The following BTBD9 variants were observed in gnomAD, a reference collection of about 807,000 sequenced individuals.
BTBD9 encodes the protein BTB/POZ domain-containing protein 9.
In BTBD9, 49 loss-of-function variants were observed where a neutral mutation model predicts 64.3. The observed-to-expected ratio is 0.76, with a 90% confidence interval of 0.61 to 0.97. The LOEUF is 0.97. Ranked by LOEUF, BTBD9 falls within the 50% of genes least tolerant of loss-of-function variation. The pLI, the probability that BTBD9 is intolerant of heterozygous loss-of-function variation, is 0.00. For synonymous variants in BTBD9, 260 were observed against 274.7 expected, an observed-to-expected ratio of 0.95 and a Z score of 0.53; for missense variants, 598 against 762.1, an observed-to-expected ratio of 0.78 and a Z score of 2.53.
At chr6:38,334,857 C>T (rs1224832608) in intron 7 of BTBD9, among the ~76,000 whole-genome samples, 1 of 150,288 alleles carries the variant, frequency 6.7e-6, no homozygotes, top group East Asian at 1.9e-4. Flanking sequence ...AATCTTTATT[C>T]TTAAAAAAAA....
chr6:38,475,812 AGAG>A (rs1384465443), intron 6 of BTBD9, among the ~76,000 whole-genome samples: 1 of 152,118 alleles, frequency 6.6e-6, no homozygotes, highest in Non-Finnish European at 1.5e-5. Context: ...AGAGAAGTGG[AGAG>A]GAGGTCTAGC....
At chr6:38,242,239 G>A (rs1352646517) in intron 9 of BTBD9, among the ~76,000 whole-genome samples, 1 of 152,214 alleles carries the variant, frequency 6.6e-6, no homozygotes, top group Non-Finnish European at 1.5e-5. Flanking sequence ...ACATGAGCCA[G>A]TAGCAGATGG....
At chr6:38,201,475 T>C (rs1328536376) in intron 9 of BTBD9, among the ~76,000 whole-genome samples, 1 of 152,280 alleles carries the variant, frequency 6.6e-6, no homozygotes, top group Non-Finnish European at 1.5e-5. Flanking sequence ...GACAAACCCA[T>C]AGCTAACATC....
chr6:38,580,435 G>A lies in BTBD9; in HGVS notation c.817C>T (p.Pro273Ser), dbSNP rs1381936926. The A allele has an allele frequency of 6.2e-7, 1 of 1,611,188 alleles. No individual in the cohort carries two copies. The highest frequency in any genetic ancestry group is 1.3e-5 in the African/African-American group (1 of 74,794). Residue 273 changes from proline (P) to serine (S), a missense_variant and splice_region_variant, in exon 5 of 11, where the codon CCA becomes TCA. Pro to Ser is a moderately conservative substitution (Grantham distance 74). Transcript: ENST00000481247. ...MDLNYRGMLI[P>S]EENIATMKYG... ...TTCATAGTTGCAATGTTTTCTTCTG[G>A]TACTACAGTTAAAAATAGAAAAAGC...
At chr6:38,587,517 C>T (rs541605553) in intron 4 of BTBD9, 113 of 562,984 alleles carry the variant, frequency 2.0e-4, no homozygotes, top group South Asian at 1.1e-3. Flanking sequence ...ATGCAGATGA[C>T]GATCTTATAA....
Position 38,172,122 on chromosome 6 carries a change from C to T in BTBD9, c.*2863G>A, listed in dbSNP as rs1177930297. 1 of 152,352 alleles carries T rather than the reference C, an allele frequency of 6.6e-6. No individual in the cohort carries two copies. The highest frequency in any genetic ancestry group is 1.5e-5 in the Non-Finnish European group (1 of 68,208). 9.4% of individuals were successfully genotyped at this position (152,352 alleles called of 1,614,324 possible). A position where few individuals can be genotyped will look rare whatever the true frequency, so the allele number is the denominator to read the frequency against. ...GGCCTGGGCATGGGGGAGCTTATCT[C>T]CCCGACCAGGGGCTTGGCCATGTCT... On this transcript the variant is annotated 3_prime_UTR_variant, in exon 11 of 11. Transcript: ENST00000481247.
chr6:38,533,940 C>G (rs993556926), intron 6 of BTBD9, among the ~76,000 whole-genome samples: 5 of 151,726 alleles, frequency 3.3e-5, no homozygotes, highest in African/African-American at 1.2e-4. Flanking sequence ...AAAAGAAAAA[C>G]TTCAAGTAAA....
At chr6:38,511,487 C>T (rs1036402882) in intron 6 of BTBD9, among the ~76,000 whole-genome samples, 27 of 151,730 alleles carry the variant, frequency 1.8e-4, no homozygotes, top group African/African-American at 5.6e-4. Flanking sequence ...GGATGACAGG[C>T]GCCTGCCACC....
intron 6 of BTBD9, among the ~76,000 whole-genome samples, chr6:38,423,297 A>G (rs1371519346): frequency 6.6e-6 from 1 of 151,872 alleles, no homozygotes; most frequent in African/African-American, 2.4e-5. Context: ...AAACCTTATT[A>G]TTATTATTAT....
At chr6:38,396,897 C>CTTTTTTTTT (rs146597621) in intron 6 of BTBD9, among the ~76,000 whole-genome samples, 6 of 107,376 alleles carry the variant, frequency 5.6e-5, no homozygotes, top group Admixed American at 1.1e-4. Flanking sequence ...TTTTCTTTTT[C>CTTTTTTTTT]TTTTTTTTTT....
At chr6:38,423,062 C>T (rs1371566391) in intron 6 of BTBD9, among the ~76,000 whole-genome samples, 1 of 152,006 alleles carries the variant, frequency 6.6e-6, no homozygotes, top group African/African-American at 2.4e-5. Context: ...GCCAGGAGTT[C>T]GAGATCAGCA....
At chr6:38,331,686 C>T (rs1379249011) in intron 7 of BTBD9, among the ~76,000 whole-genome samples, 2 of 151,902 alleles carry the variant, frequency 1.3e-5, no homozygotes, top group East Asian at 1.9e-4. Context: ...ATAATGGGAC[C>T]CCTGTCTCAA....
chr6:38,424,961 C>T (rs1768080342), intron 6 of BTBD9, among the ~76,000 whole-genome samples: 1 of 151,914 alleles, frequency 6.6e-6, no homozygotes, highest in African/African-American at 2.4e-5. Flanking sequence ...GCCTCAGCCT[C>T]CCGTAGCTGG....
intron 1 of BTBD9, among the ~76,000 whole-genome samples, chr6:38,606,167 C>T (rs528544866): frequency 6.6e-6 from 1 of 152,278 alleles, no homozygotes; most frequent in Admixed American, 6.5e-5. Context: ...GCTGCGCTGT[C>T]GGGTTCCCTA....
At chr6:38,321,345 C>A (rs562668921) in intron 7 of BTBD9, among the ~76,000 whole-genome samples, 1 of 152,136 alleles carries the variant, frequency 6.6e-6, no homozygotes, top group South Asian at 2.1e-4. Flanking sequence ...GGAAAGGTAC[C>A]CTACAGTATT....
At chr6:38,477,507 AGAGTTATCTTTATCTGAAAT>A (rs71866796) in intron 6 of BTBD9, among the ~76,000 whole-genome samples, 34,269 of 152,034 alleles carry the variant, frequency 0.23, 4,437 homozygotes, top group East Asian at 0.53. Context: ...TTTAGCAAAC[AGAGTTATCTTTATCTGAAAT>A]GCTTCTAATC....
intron 4 of BTBD9, among the ~76,000 whole-genome samples, chr6:38,585,995 A>G (rs915035063): frequency 4.0e-5 from 6 of 148,574 alleles, no homozygotes; most frequent in Non-Finnish European, 8.9e-5. Flanking sequence ...TTTATGTGTT[A>G]ACCAATAATG....
chr6:38,298,445 A>T (rs1762246492), intron 7 of BTBD9, among the ~76,000 whole-genome samples: 1 of 152,232 alleles, frequency 6.6e-6, no homozygotes, highest in Non-Finnish European at 1.5e-5. Context: ...CATAGAATGT[A>T]CAATGATCAA....
chr6:38,422,188 T>C (rs935682779), intron 6 of BTBD9, among the ~76,000 whole-genome samples: 2 of 152,162 alleles, frequency 1.3e-5, no homozygotes, highest in African/African-American at 4.8e-5. Context: ...ATGGTACAGC[T>C]AGAACATAAT....
Sources: gnomAD v4.1 joint callset for allele counts (sites outside exome capture counted in the v4.1 genomes callset) on GRCh38, gnomAD v4.1.1 for gene constraint, MANE v1.5 for transcripts, NCBI Gene and HGNC (gene_info 2026-07-23, HGNC 2026-07-21) for gene names.